DNAAF9: variants seen among roughly 807,000 people sequenced by gnomAD.
The protein encoded by DNAAF9 is dynein axonemal assembly factor 9.
In DNAAF9, 90 loss-of-function variants were observed where a neutral mutation model predicts 167.0. That is an observed-to-expected ratio of 0.54 (90% confidence interval 0.45 to 0.64). The LOEUF (loss-of-function observed/expected upper bound fraction) is 0.64, where lower values mean the gene tolerates loss of function less well. Ranked by LOEUF, DNAAF9 falls within the 30% of genes least tolerant of loss-of-function variation. The pLI, the probability that DNAAF9 is intolerant of heterozygous loss-of-function variation, is 0.00. For synonymous variants in DNAAF9, 491 were observed against 508.8 expected, an observed-to-expected ratio of 0.96 and a Z score of 0.47; for missense variants, 1,315 against 1,442.2, an observed-to-expected ratio of 0.91 and a Z score of 1.43.
At chr20:3,316,038 G>C (rs2069495088) in intron 18 of DNAAF9, 2 of 541,620 alleles carry the variant, frequency 3.7e-6, no homozygotes, top group Non-Finnish European at 3.3e-6. Flanking sequence ...CAGAGGGGAT[G>C]TGTTAGTCTC....
chr20:3,331,431 C>T (rs2069827074), intron 11 of DNAAF9, among the ~76,000 whole-genome samples: 1 of 152,136 alleles, frequency 6.6e-6, no homozygotes, highest in Admixed American at 6.5e-5. Flanking sequence ...CTCTGTGTAG[C>T]AATGCTGAGA....
At chr20:3,357,496 A>G (rs1477926497) in intron 7 of DNAAF9, among the ~76,000 whole-genome samples, 1 of 151,916 alleles carries the variant, frequency 6.6e-6, no homozygotes, top group African/African-American at 2.4e-5. Flanking sequence ...ATAAATAAAT[A>G]TTACCGAGTG....
chr20:3,257,900 T>A (rs1381621700), intron 33 of DNAAF9, among the ~76,000 whole-genome samples: 2 of 152,206 alleles, frequency 1.3e-5, no homozygotes, highest in Non-Finnish European at 2.9e-5. Context: ...CAGCTAATTT[T>A]GTATTTTTAG....
At position 3,324,909 on chromosome 20, in the gene DNAAF9, C is replaced by T. The variant is rs568690583; in HGVS notation, c.1248G>A (p.Pro416=). 4.1e-5 allele frequency: 66 copies of T among 1,601,208 alleles called. No homozygotes were observed. Among genetic ancestry groups the T allele is most frequent in the Non-Finnish European group, 5.1e-5 (59 of 1,168,286 alleles). The change falls in exon 14 of 37, where the codon CCG becomes CCA. Residue 416 remains proline, a synonymous_variant. Transcript: ENST00000252032. The part of the protein sequence containing the change: ...GSGLDSFELI[P]FKAALRSKMT... ...TTGCTTACCGCAGGGCTGCCTTAAACGGAATCAACTCAAAGGAATCTAACC... is the reference window on the plus strand; with the variant it reads ...TTGCTTACCGCAGGGCTGCCTTAAATGGAATCAACTCAAAGGAATCTAACC...
intron 10 of DNAAF9, among the ~76,000 whole-genome samples, chr20:3,334,486 G>A (rs2069899971): frequency 1.3e-5 from 2 of 152,168 alleles, no homozygotes; most frequent in Non-Finnish European, 2.9e-5. Flanking sequence ...CATCTTGGTT[G>A]CTTCTAAGTT....
chr20:3,283,976 C>T (rs1242899116), intron 27 of DNAAF9, among the ~76,000 whole-genome samples: 1 of 152,052 alleles, frequency 6.6e-6, no homozygotes, highest in Non-Finnish European at 1.5e-5. Flanking sequence ...AAAACAGGCC[C>T]CTGTCTCCTT....
intron 1 of DNAAF9, among the ~76,000 whole-genome samples, chr20:3,402,113 C>G (rs937708984): frequency 6.6e-6 from 1 of 152,142 alleles, no homozygotes; most frequent in African/African-American, 2.4e-5. Flanking sequence ...AATCTATTTT[C>G]CTTCAAAAGG....
In DNAAF9 at chr20:3,251,514, C is replaced by T. The variant is rs962444795; in HGVS notation, c.*1058G>A. ...AATTCCCCTCTGCTTTATGGTCCAGCTTAAAACGATGCCATTAGAAGGAAT... is the reference window on the plus strand; with the variant it reads ...AATTCCCCTCTGCTTTATGGTCCAGTTTAAAACGATGCCATTAGAAGGAAT... On this transcript the variant is annotated 3_prime_UTR_variant, in exon 37 of 37. Coordinates refer to ENST00000252032, the MANE Select transcript of DNAAF9 (RefSeq NM_001009984.3). 1.3e-5 allele frequency: 2 copies of T among 152,232 alleles called. No individual in the cohort carries two copies. Among genetic ancestry groups the T allele is most frequent in the Non-Finnish European group, 2.9e-5 (2 of 68,056 alleles). 9.4% of individuals were successfully genotyped at this position (152,232 alleles called of 1,614,324 possible).
At chr20:3,265,977 G>A (rs1248740006) in intron 30 of DNAAF9, among the ~76,000 whole-genome samples, 1 of 152,120 alleles carries the variant, frequency 6.6e-6, no homozygotes, top group Non-Finnish European at 1.5e-5. Flanking sequence ...ACTGCACCCG[G>A]CCTAAATTTA....
rs776648910 is a variant in DNAAF9, at chr20:3,252,736, GC to G, written c.3422-53del. 3.5e-6 allele frequency: 4 copies of G among 1,130,378 alleles called. No homozygotes were observed. In the African/African-American group the frequency reaches 6.1e-5, roughly 17 times the overall value. 70.0% of individuals were successfully genotyped at this position (1,130,378 alleles called of 1,614,324 possible). A position where few individuals can be genotyped will look rare whatever the true frequency, so the allele number is the denominator to read the frequency against. On this transcript the variant is annotated intron_variant, in intron 36 of 36. Coordinates refer to ENST00000252032, the MANE Select transcript of DNAAF9 (RefSeq NM_001009984.3). ...CTGAGCCTGGAGGACAAGGGAGGCT[GC>G]CTGAGCCCAGAGCGGCCTGTAGGCA... is the stretch of plus-strand genomic sequence containing the variant.
At chr20:3,363,190 T>C (rs1339608671) in intron 6 of DNAAF9, among the ~76,000 whole-genome samples, 1 of 151,290 alleles carries the variant, frequency 6.6e-6, no homozygotes, top group East Asian at 1.9e-4. Context: ...GATCGTGCCA[T>C]TGCTCTCTGG....
chr20:3,256,091 C>T lies in DNAAF9; in HGVS notation c.3176G>A (p.Gly1059Glu). Residue 1059 changes from glycine (G) to glutamate (E), a missense_variant, in exon 34 of 37, where the codon GGG (glycine) becomes GAG (glutamate). Transcript: ENST00000252032. ...DSKSVSQDSS[G>E]QQECYLVFIG... ...GAACACAAGGTAGCACTCCTGCTGC[C>T]CGCTGCTGTCTTGAGATACGCTTTT... 6.2e-7 allele frequency: 1 copy of T among 1,614,166 alleles called. No individual in the cohort carries two copies. Among genetic ancestry groups the T allele is most frequent in the Non-Finnish European group, 8.5e-7 (1 of 1,180,020 alleles).
chr20:3,399,786 A>T (rs2083958983), intron 1 of DNAAF9, among the ~76,000 whole-genome samples: 1 of 152,198 alleles, frequency 6.6e-6, no homozygotes, highest in Admixed American at 6.5e-5. Flanking sequence ...ACACAAACAC[A>T]GAAGAGGCCT....
intron 25 of DNAAF9, among the ~76,000 whole-genome samples, chr20:3,291,948 G>A (rs879738369): frequency 6.6e-6 from 1 of 151,282 alleles, no homozygotes; most frequent in Non-Finnish European, 1.5e-5. Flanking sequence ...TCAAATCGCA[G>A]CACATGTACA....
rs869291982 is a variant in DNAAF9, at chr20:3,292,002, CT to C, written c.2239-1786del. The stretch of plus-strand genomic sequence containing the variant: ...TACTTTAAGGCCAATCCAAGAGCAC[CT>C]TTTTTTTTTTTTTGAGATGGAGTCT... On this transcript the variant is annotated intron_variant, in intron 25 of 36. Transcript: ENST00000252032. Among the ~76,000 whole-genome samples the C allele has an allele frequency of 4.5e-3, 649 of 143,514 alleles. 2 individuals are homozygous for C. Among genetic ancestry groups the C allele is most frequent in the African/African-American group, 9.2e-3 (363 of 39,510 alleles). The allele number at this position is 143,514 out of a possible 152,430, so 94.2% of individuals were successfully genotyped here.
rs1300524192 is a variant in DNAAF9, at chr20:3,395,281, T to C, written c.83+12194A>G. Among the ~76,000 whole-genome samples, 8 of 149,482 alleles carry C rather than the reference T, an allele frequency of 5.4e-5. 1 individual carries two copies. The highest frequency in any genetic ancestry group is 1.2e-4 in the Non-Finnish European group (8 of 67,538). On this transcript the variant is annotated intron_variant, in intron 1 of 36. Coordinates refer to ENST00000252032, the MANE Select transcript of DNAAF9 (RefSeq NM_001009984.3). The stretch of plus-strand genomic sequence containing the variant: ...CCACCGCGCCTGGCCGAACATTTTC[T>C]TTTTTCTTTTTTTTTTTCTGAGACA...
intron 11 of DNAAF9, 53 bp downstream of exon 11, chr20:3,332,227 G>T: frequency 2.1e-6 from 2 of 948,222 alleles, no homozygotes; most frequent in African/African-American, 1.6e-5. Context: ...CTAGTTCATG[G>T]GACAGACTAT....
At chr20:3,365,536 G>T (rs2092988) in intron 6 of DNAAF9, among the ~76,000 whole-genome samples, 112,500 of 151,904 alleles carry the variant, frequency 0.74, 41,887 homozygotes, top group African/African-American at 0.82. Flanking sequence ...GGATTACAGG[G>T]GCATACCACC....
chr20:3,255,287 G>T lies in DNAAF9; in HGVS notation c.3262-3C>A. 6.5e-7 allele frequency: 1 copy of T among 1,545,542 alleles called. No individual in the cohort carries two copies. Among genetic ancestry groups the T allele is most frequent in the Non-Finnish European group, 8.8e-7 (1 of 1,141,598 alleles). On this transcript the variant is annotated splice_region_variant and splice_polypyrimidine_tract_variant and intron_variant, in intron 34 of 36. Transcript: ENST00000252032. Reference sequence around the variant, plus strand: ...TTCAGGGCTTTCCTCTGAGGCTTCTGCAGAGATGGGGAGTGGAGGGTCAGG... The same window carrying T: ...TTCAGGGCTTTCCTCTGAGGCTTCTTCAGAGATGGGGAGTGGAGGGTCAGG...
Sources: allele counts gnomAD v4.1 joint callset (sites outside exome capture counted in the v4.1 genomes callset), GRCh38; gene constraint gnomAD v4.1.1; transcripts MANE v1.5; gene names NCBI Gene and HGNC (gene_info 2026-07-23, HGNC 2026-07-21).